The following TAX1BP1 variants were observed in gnomAD, a reference collection of about 807,000 sequenced individuals.
TAX1BP1 encodes the protein Tax1 binding protein 1, also known as tax1-binding protein 1.
TAX1BP1 carries 62 observed loss-of-function variants against 97.7 expected under a neutral mutation model. The ratio of observed to expected loss-of-function variants is 0.63; its 90% CI spans 0.52 to 0.78. The LOEUF (loss-of-function observed/expected upper bound fraction) is 0.78, where lower values mean the gene tolerates loss of function less well. Among genes scored for constraint, TAX1BP1 ranks in the 30% least tolerant of loss-of-function variants. The pLI, the probability that TAX1BP1 is intolerant of heterozygous loss-of-function variation, is 0.00. For missense variants in TAX1BP1, 867 were observed against 916.1 expected (o/e 0.95, Z 0.69); for synonymous variants, 340 against 304.2 (o/e 1.12, Z -1.23).
chr7:27,740,003 A>T (rs1185437795), upstream of TAX1BP1: 1 of 152,248 alleles, frequency 6.6e-6, no homozygotes. Flanking sequence ...AAGTAAGGAG[A>T]GAGCCAGCCT....
At chr7:27,756,046 C>A (rs1223049798) in intron 2 of TAX1BP1, among the ~76,000 whole-genome samples, 1 of 152,108 alleles carries the variant, frequency 6.6e-6, no homozygotes, top group Non-Finnish European at 1.5e-5. Context: ...AAGTTCTAGC[C>A]CGGTGACCAG....
At chr7:27,743,797 T>A (rs1562692563) in intron 1 of TAX1BP1, among the ~76,000 whole-genome samples, 5 of 494 alleles carry the variant, frequency 0.01, 2 homozygotes, top group Non-Finnish European at 2.7e-3. Flanking sequence ...TTTTTTTTTT[T>A]TTTTTTTTTT....
chr7:27,763,414 A>T (rs1371405206), intron 3 of TAX1BP1, among the ~76,000 whole-genome samples: 7 of 152,296 alleles, frequency 4.6e-5, no homozygotes, highest in African/African-American at 1.7e-4. Context: ...TCTATCTCAA[A>T]TGGTTTTGAA....
In TAX1BP1 at chr7:27,741,322, C is replaced by A. The variant is rs147865670; in HGVS notation, c.-8+1053C>A. 5.3e-5 allele frequency among the ~76,000 whole-genome samples: 8 copies of A among 152,262 alleles called. No individual in the cohort carries two copies. In the East Asian group the frequency reaches 1.5e-3, roughly 29 times the overall value. ...AAGTGGGTCGATCGTCCTCAAAGTG[C>A]TTTTCGGGTTTAGGGAAGGAGCTTA... On this transcript the variant is annotated intron_variant, in intron 1 of 16. Transcript: ENST00000396319.
Position 27,777,936 on chromosome 7 carries a change from T to C in TAX1BP1, c.613-7227T>C, listed in dbSNP as rs1376184665. On this transcript the variant is annotated intron_variant, in intron 5 of 16. Coordinates refer to ENST00000396319, the MANE Select transcript of TAX1BP1 (RefSeq NM_006024.7). ...CAGGTGGTAGAGTTCATTTGGTTCT[T>C]GTTACTTTATCTTGGCACGATTTTA... Among the ~76,000 whole-genome samples the C allele has an allele frequency of 3.3e-5, 5 of 152,236 alleles. No individual in the cohort carries two copies. The East Asian group carries it at 9.6e-4, about 29-fold the overall frequency.
rs746565783 is a variant in TAX1BP1, at chr7:27,765,874, C to T, written c.306C>T (p.Phe102=). 1 of 1,614,122 alleles carries T rather than the reference C, an allele frequency of 6.2e-7. No homozygotes were observed. The change falls in exon 4 of 17, where the codon TTC becomes TTT. Residue 102 remains phenylalanine (F), a synonymous_variant. Coordinates refer to ENST00000396319, the MANE Select transcript of TAX1BP1 (RefSeq NM_006024.7). ...ATGATGATGGAGAATTTTATCAGTTCTGTTACGTTACCCATAAGGGTGAAA... is the reference window on the plus strand; with the variant it reads ...ATGATGATGGAGAATTTTATCAGTTTTGTTACGTTACCCATAAGGGTGAAA... ...LPNDDGEFYQ[F]CYVTHKGEIR...
chr7:27,827,800 A>G lies in TAX1BP1; in HGVS notation c.2148A>G (p.Thr716=), dbSNP rs769470156. Residue 716 remains threonine, a synonymous_variant, in exon 16 of 17, where the codon ACA becomes ACG. Coordinates refer to ENST00000396319, the MANE Select transcript of TAX1BP1 (RefSeq NM_006024.7). ...PPSQHLRGHG[T]GFCFDSSFDV... ...GTCAACATTTACGTGGGCATGGGAC[A>G]GGCTTTTGCTTTGATTCCAGGTAGT... The G allele has an allele frequency of 1.2e-6, 2 of 1,613,888 alleles. No homozygotes were observed. Among genetic ancestry groups the G allele is most frequent in the Admixed American group, 3.3e-5 (2 of 59,978 alleles).
At chr7:27,749,122 G>A (rs558051203) in intron 2 of TAX1BP1, among the ~76,000 whole-genome samples, 32 of 152,256 alleles carry the variant, frequency 2.1e-4, no homozygotes, top group African/African-American at 7.7e-4. Flanking sequence ...AGTTTTAAGA[G>A]TATTCTGTTT....
rs1782630020 is a variant in TAX1BP1, at chr7:27,829,605, A to G, written c.*776A>G. 1 of 150,034 alleles carries G rather than the reference A, an allele frequency of 6.7e-6. No homozygotes were observed. Among genetic ancestry groups the G allele is most frequent in the African/African-American group, 2.5e-5 (1 of 39,406 alleles). The allele number at this position is 150,034 out of a possible 1,614,324, so 9.3% of individuals were successfully genotyped here. A position where few individuals can be genotyped will look rare whatever the true frequency, so the allele number is the denominator to read the frequency against. On this transcript the variant is annotated 3_prime_UTR_variant, in exon 17 of 17. Coordinates refer to ENST00000396319, the MANE Select transcript of TAX1BP1 (RefSeq NM_006024.7). ...TAGAATATATATCAGTATCTTTTTT[A>G]CATTTTCCTGATGAGAATATAAATT...
chr7:27,797,058 C>T (rs375315068), intron 12 of TAX1BP1, among the ~76,000 whole-genome samples: 1 of 151,152 alleles, frequency 6.6e-6, no homozygotes, highest in African/African-American at 2.4e-5. Flanking sequence ...ATTGCAGTGG[C>T]GTGATCTCAG....
At chr7:27,819,078 G>A (rs1264444910) in intron 15 of TAX1BP1, among the ~76,000 whole-genome samples, 1 of 152,064 alleles carries the variant, frequency 6.6e-6, no homozygotes, top group African/African-American at 2.4e-5. Context: ...ACGAAATGAT[G>A]TGTAACAAAA....
intron 2 of TAX1BP1, among the ~76,000 whole-genome samples, chr7:27,750,056 G>T (rs1000026536): frequency 6.6e-6 from 1 of 152,132 alleles, no homozygotes; most frequent in African/African-American, 2.4e-5. Context: ...CTCCCAAAGT[G>T]CTGGGATTAC....
At chr7:27,752,413 T>C (rs1397982364) in intron 2 of TAX1BP1, among the ~76,000 whole-genome samples, 1 of 152,174 alleles carries the variant, frequency 6.6e-6, no homozygotes, top group African/African-American at 2.4e-5. Flanking sequence ...ATTTTATGAC[T>C]TTTTCCAGAG....
At chr7:27,820,187 C>G (rs1222467242) in intron 15 of TAX1BP1, among the ~76,000 whole-genome samples, 3 of 152,210 alleles carry the variant, frequency 2.0e-5, no homozygotes, top group Admixed American at 1.3e-4. Context: ...TGCATTCTTG[C>G]ATTTCTTAGT....
chr7:27,809,379 A>G (rs1247484658), intron 13 of TAX1BP1, among the ~76,000 whole-genome samples: 1 of 152,208 alleles, frequency 6.6e-6, no homozygotes, highest in Non-Finnish European at 1.5e-5. Context: ...CTACATTCCT[A>G]ATGGAAGAAA....
At chr7:27,805,311 G>A (rs1417585159) in intron 13 of TAX1BP1, among the ~76,000 whole-genome samples, 1 of 151,990 alleles carries the variant, frequency 6.6e-6, no homozygotes, top group African/African-American at 2.4e-5. Context: ...ATTATTCTCT[G>A]ATTTTTGGTT....
intron 3 of TAX1BP1, among the ~76,000 whole-genome samples, chr7:27,762,628 A>G (rs17155802): frequency 0.1 from 15,178 of 152,226 alleles, 826 homozygotes; most frequent in South Asian, 0.12. Flanking sequence ...AGAGAAAAGC[A>G]TCCAGTTTAT....
At chr7:27,813,242 C>T (rs1487021608) in intron 13 of TAX1BP1, among the ~76,000 whole-genome samples, 2 of 150,508 alleles carry the variant, frequency 1.3e-5, no homozygotes, top group East Asian at 2.0e-4. Context: ...CAGCCTTGAC[C>T]TCGACCTCTT....
At chr7:27,752,686 G>C (rs1290437563) in intron 2 of TAX1BP1, among the ~76,000 whole-genome samples, 2 of 152,074 alleles carry the variant, frequency 1.3e-5, no homozygotes, top group Admixed American at 6.5e-5. Flanking sequence ...TGATTGATTA[G>C]TTTTAATTAT....
Sources: allele counts gnomAD v4.1 joint callset (sites outside exome capture counted in the v4.1 genomes callset), GRCh38; gene constraint gnomAD v4.1.1; transcripts MANE v1.5; gene names NCBI Gene and HGNC (gene_info 2026-07-23, HGNC 2026-07-21).